IGF1R: variants seen among roughly 807,000 people sequenced by gnomAD.
IGF1R encodes insulin-like growth factor 1 receptor.
A neutral mutation model predicts 144.6 loss-of-function variants in IGF1R; 44 were observed. The ratio of observed to expected loss-of-function variants is 0.30; its 90% CI spans 0.24 to 0.39. The LOEUF (loss-of-function observed/expected upper bound fraction) is 0.39. IGF1R is among the 10% of genes least tolerant of loss of function. The probability of loss-of-function intolerance (pLI) is 1.00; values close to 1 mark genes in which losing one functional copy is unlikely to be tolerated. For missense variants in IGF1R, 1,355 were observed against 1,833.7 expected (o/e 0.74, Z 4.77); for synonymous variants, 795 against 722.8 (o/e 1.10, Z -1.60).
intron 2 of IGF1R, among the ~76,000 whole-genome samples, chr15:98,710,769 C>T (rs1018085447): frequency 4.6e-5 from 7 of 151,326 alleles, no homozygotes; most frequent in Non-Finnish European, 5.9e-5. Flanking sequence ...TGGGTTCAAG[C>T]GATTCTCTTG....
intron 5 of IGF1R, among the ~76,000 whole-genome samples, chr15:98,905,963 T>G (rs958231566): frequency 2.6e-5 from 4 of 152,190 alleles, no homozygotes; most frequent in African/African-American, 9.7e-5. Context: ...ATGGCTTGAT[T>G]ATTATTTTGA....
intron 5 of IGF1R, among the ~76,000 whole-genome samples, chr15:98,904,944 TC>T (rs2014661906): frequency 6.6e-6 from 1 of 152,200 alleles, no homozygotes; most frequent in African/African-American, 2.4e-5. Flanking sequence ...GCTCACGGTA[TC>T]CTTTTATGTT....
intron 2 of IGF1R, among the ~76,000 whole-genome samples, chr15:98,860,239 C>G (rs1171845865): frequency 1.3e-5 from 2 of 152,194 alleles, no homozygotes; most frequent in East Asian, 3.8e-4. Flanking sequence ...TGCTCATATC[C>G]AAAAATAAGT....
In IGF1R at chr15:98,726,712, A is replaced by ATTTT. The variant is rs756622481; in HGVS notation, c.640+18626_640+18629dup. Among the ~76,000 whole-genome samples, 89 of 93,074 alleles carry ATTTT rather than the reference A, an allele frequency of 9.6e-4. 1 individual carries two copies. The highest frequency in any genetic ancestry group is 1.4e-3 in the Non-Finnish European group (67 of 46,498). The allele number at this position is 93,074 out of a possible 152,430, so 61.1% of individuals were successfully genotyped here. ...GGCAGAATTCATTTTTACATTGATG[A>ATTTT]TTTTTTTTTTTTTTTTTTTTTTTTG... On this transcript the variant is annotated intron_variant, in intron 2 of 20. Transcript: ENST00000650285.
chr15:98,649,749 C>T (rs1488078470), intron 1 of IGF1R, 74 bp downstream of exon 1: 2 of 1,159,672 alleles, frequency 1.7e-6, no homozygotes, highest in Admixed American at 1.8e-5. Context: ...TTTGCGAAAC[C>T]CGAGTTGCCA....
At chr15:98,669,248 G>A (rs1198198655) in intron 1 of IGF1R, among the ~76,000 whole-genome samples, 10 of 152,244 alleles carry the variant, frequency 6.6e-5, no homozygotes, top group Admixed American at 5.2e-4. Context: ...TGAAACCTGC[G>A]CAAGGGTGTT....
intron 2 of IGF1R, among the ~76,000 whole-genome samples, chr15:98,863,048 A>T (rs771946489): frequency 6.6e-6 from 1 of 152,088 alleles, no homozygotes. Flanking sequence ...CCTACCTGGC[A>T]TTTATTGTGT....
chr15:98,726,885 A>G (rs1355281344), intron 2 of IGF1R, among the ~76,000 whole-genome samples: 2 of 151,718 alleles, frequency 1.3e-5, no homozygotes, highest in Non-Finnish European at 2.9e-5. Flanking sequence ...ATGCCCGGCT[A>G]ATTTTTTGTA....
chr15:98,678,925 T>G lies in IGF1R; in HGVS notation c.95-28637T>G, dbSNP rs1596174837. Among the ~76,000 whole-genome samples, 3 of 15,134 alleles carry G rather than the reference T, an allele frequency of 2.0e-4. No individual in the cohort carries two copies. In the Non-Finnish European group the frequency reaches 4.4e-3, roughly 22 times the overall value. 9.9% of individuals were successfully genotyped at this position (15,134 alleles called of 152,430 possible). On this transcript the variant is annotated intron_variant, in intron 1 of 20. Coordinates refer to ENST00000650285, the MANE Select transcript of IGF1R (RefSeq NM_000875.5). Reference sequence around the variant, plus strand: ...CTGGTTCTTTCCTCTGATGCTCTTTTTTTTTTTTTTTTTTTTGAAACAGGA... The same window carrying G: ...CTGGTTCTTTCCTCTGATGCTCTTTGTTTTTTTTTTTTTTTTGAAACAGGA...
intron 2 of IGF1R, among the ~76,000 whole-genome samples, chr15:98,889,821 T>C (rs75638742): frequency 6.6e-6 from 1 of 152,238 alleles, no homozygotes; most frequent in Non-Finnish European, 1.5e-5. Context: ...AAACAAATTC[T>C]AGAATCTCCA....
chr15:98,859,171 T>C lies in IGF1R; in HGVS notation c.641-32154T>C, dbSNP rs533087524. Among the ~76,000 whole-genome samples, 368 of 152,148 alleles carry C rather than the reference T, an allele frequency of 2.4e-3. 2 individuals are homozygous for C. Among genetic ancestry groups the C allele is most frequent in the Middle Eastern group, 6.8e-3 (2 of 294 alleles). On this transcript the variant is annotated intron_variant, in intron 2 of 20. Transcript: ENST00000650285. ...GCTATCATTGCAGTTACAAAGCCCA[T>C]GTATATTGAGATCGGTGTAAAAATT...
In IGF1R at chr15:98,963,579, C is replaced by T. The variant is rs2017311353; in HGVS notation, c.*6137C>T. ...GGTCTGGCTGCCGTCATTGTCAGCA[C>T]AGTGCCATGGACATGGGAAGACTTG... On this transcript the variant is annotated 3_prime_UTR_variant, in exon 21 of 21. Transcript: ENST00000650285. The T allele has an allele frequency of 8.6e-6, 2 of 233,160 alleles. No individual in the cohort carries two copies. The highest frequency in any genetic ancestry group is 6.0e-5 in the East Asian group (1 of 16,596). 14.4% of individuals were successfully genotyped at this position (233,160 alleles called of 1,614,324 possible).
At position 98,913,189 on chromosome 15, in the gene IGF1R, G is replaced by C; in HGVS notation, c.1735G>C (p.Val579Leu). Residue 579 changes from valine to leucine, a missense_variant, in exon 8 of 21, where the codon GTT (valine) becomes CTT (leucine). Physicochemically the swap from Val to Leu is conservative, Grantham distance 32. Around this residue, in one of 7 missense-constraint regions of IGF1R, gnomAD observed 880 missense variants for 1,202.7 expected, o/e 0.73. Coordinates refer to ENST00000650285, the MANE Select transcript of IGF1R (RefSeq NM_000875.5). Reference protein sequence around the residue: ...HGLKPWTQYAVYVKAVTLTMV... With the variant: ...HGLKPWTQYALYVKAVTLTMV... ...GCTGAAGCCCTGGACTCAGTACGCC[G>C]TTTACGTCAAGGCTGTGACCCTCAC... 6.2e-7 allele frequency: 1 copy of C among 1,614,224 alleles called. No individual in the cohort carries two copies. Among genetic ancestry groups the C allele is most frequent in the Non-Finnish European group, 8.5e-7 (1 of 1,180,050 alleles).
chr15:98,741,139 T>G (rs1219030054), intron 2 of IGF1R, among the ~76,000 whole-genome samples: 5 of 152,168 alleles, frequency 3.3e-5, no homozygotes, highest in Admixed American at 1.3e-4. Context: ...GGGTAAATTA[T>G]TAGCAGACAC....
rs753416925 is a variant in IGF1R, at chr15:98,960,587, C to T, written c.*3145C>T. The T allele has an allele frequency of 2.6e-5, 6 of 233,482 alleles. No homozygotes were observed. The highest frequency in any genetic ancestry group is 4.2e-5 in the Non-Finnish European group (5 of 118,282). 14.5% of individuals were successfully genotyped at this position (233,482 alleles called of 1,614,324 possible). On this transcript the variant is annotated 3_prime_UTR_variant, in exon 21 of 21. Coordinates refer to ENST00000650285, the MANE Select transcript of IGF1R (RefSeq NM_000875.5). ...AGGCGTGGGGCATTGGGTTTGCTCC[C>T]CTTGCTGCTGCTCCATCCCTGCAGG...
At chr15:98,927,091 G>C (rs143520152) in intron 13 of IGF1R, among the ~76,000 whole-genome samples, 2 of 152,280 alleles carry the variant, frequency 1.3e-5, no homozygotes, top group East Asian at 3.9e-4. Flanking sequence ...GTTCCTGTCT[G>C]GCTTTGCTGC....
chr15:98,807,258 C>T (rs530800226), intron 2 of IGF1R, among the ~76,000 whole-genome samples: 4 of 152,292 alleles, frequency 2.6e-5, no homozygotes, highest in South Asian at 2.1e-4. Context: ...GTAAGTAGGG[C>T]GCTGAGCACA....
At chr15:98,833,878 T>A (rs1170092276) in intron 2 of IGF1R, among the ~76,000 whole-genome samples, 1 of 152,186 alleles carries the variant, frequency 6.6e-6, no homozygotes, top group African/African-American at 2.4e-5. Context: ...AAAAAAATAT[T>A]CATGCTTGCA....
chr15:98,731,903 A>G (rs1194214604), intron 2 of IGF1R, among the ~76,000 whole-genome samples: 1 of 152,162 alleles, frequency 6.6e-6, no homozygotes, highest in Non-Finnish European at 1.5e-5. Flanking sequence ...AGTTGCTTGC[A>G]TTGGGAGAGC....
Sources: gnomAD v4.1 joint callset for allele counts (sites outside exome capture counted in the v4.1 genomes callset) on GRCh38, gnomAD v4.1.1 for gene constraint, gnomAD v4.1.1 regional missense constraint, MANE v1.5 for transcripts, NCBI Gene and HGNC (gene_info 2026-07-23, HGNC 2026-07-21) for gene names.